UBE2M: variants seen among roughly 807,000 people sequenced by gnomAD.
UBE2M encodes the protein NEDD8-conjugating enzyme Ubc12.
Under a neutral mutation model 23.5 loss-of-function variants are expected in UBE2M, and 2 were observed. That is an observed-to-expected ratio of 0.09 (90% CI 0.03 to 0.27). UBE2M has a LOEUF of 0.27. UBE2M is among the 10% of genes least tolerant of loss of function. The probability of loss-of-function intolerance (pLI) is 1.00; values close to 1 mark genes in which losing one functional copy is unlikely to be tolerated. For synonymous variants in UBE2M, 97 were observed against 95.2 expected (o/e 1.02, Z -0.11); for missense variants, 103 against 232.9 (o/e 0.44, Z 3.63).
Position 58,556,389 on chromosome 19 carries a change from G to C in UBE2M, c.348-10C>G, listed in dbSNP as rs1292423603. On this transcript the variant is annotated splice_polypyrimidine_tract_variant and intron_variant, in intron 4 of 5. Coordinates refer to ENST00000253023, the MANE Select transcript of UBE2M (RefSeq NM_003969.4). The surrounding 1 kb of genome is among the most constrained non-coding windows in gnomAD (Gnocchi z 4.9). ...TGGCTTCCAGTCCTCTCTGTGGACA[G>C]AGAGCATCAGGGTCAGGGCTTGGTG... 1 of 1,613,580 alleles carries C rather than the reference G, an allele frequency of 6.2e-7. No individual in the cohort carries two copies. The highest frequency in any genetic ancestry group is 8.5e-7 in the Non-Finnish European group (1 of 1,179,976).
In UBE2M at chr19:58,556,094, T is replaced by C. The variant is rs1299056927; in HGVS notation, c.547A>G (p.Lys183Glu). 6.2e-7 allele frequency: 1 copy of C among 1,607,450 alleles called. No individual in the cohort carries two copies. Among genetic ancestry groups the C allele is most frequent in the Non-Finnish European group, 8.5e-7 (1 of 1,176,358 alleles). ...IGSTYFERCL[K>E] ...GGGGTGGGTATGCGCCAACCCTATT[T>C]CAGGCAGCGCTCAAAGTAGGTGGAG... The change falls in exon 6 of 6, where the codon AAA becomes GAA. Residue 183 changes from lysine to glutamate, a missense_variant. Transcript: ENST00000253023. The surrounding 1 kb of genome is among the most constrained non-coding windows in gnomAD (Gnocchi z 4.9).
Position 58,558,201 on chromosome 19 carries a change from G to T in UBE2M, c.109+72C>A. On this transcript the variant is annotated intron_variant, in intron 1 of 5. Coordinates refer to ENST00000253023, the MANE Select transcript of UBE2M (RefSeq NM_003969.4). This position sits in a 1 kb window ranked among gnomAD's most constrained non-coding sequence, Gnocchi z 4.7. ...CTCAGCAACCGCATTACCCCTTCCT[G>T]ACTCCCACATCACCCTGCCTCAGGC... The T allele has an allele frequency of 7.5e-7, 1 of 1,336,810 alleles. No individual in the cohort carries two copies. Among genetic ancestry groups the T allele is most frequent in the Non-Finnish European group, 1.0e-6 (1 of 976,554 alleles). 82.8% of individuals were successfully genotyped at this position (1,336,810 alleles called of 1,614,324 possible).
Position 58,556,505 on chromosome 19 carries a change from G to T in UBE2M, c.348-126C>A. ...CATGTGAGAGGCTGGGAGGGAGGGT[G>T]TGGAGCAGGACAGGCCAAGGAGAAA... On this transcript the variant is annotated intron_variant, in intron 4 of 5. Transcript: ENST00000253023. The surrounding 1 kb of genome is among the most constrained non-coding windows in gnomAD (Gnocchi z 4.9). 1 of 1,171,744 alleles carries T rather than the reference G, an allele frequency of 8.5e-7. No homozygotes were observed. Among genetic ancestry groups the T allele is most frequent in the Non-Finnish European group, 1.2e-6 (1 of 815,810 alleles). 72.6% of individuals were successfully genotyped at this position (1,171,744 alleles called of 1,614,324 possible).
chr19:58,558,423 G>A lies in UBE2M; in HGVS notation c.-42C>T. The A allele has an allele frequency of 9.6e-7, 1 of 1,041,660 alleles. No individual in the cohort carries two copies. The highest frequency in any genetic ancestry group is 1.2e-6 in the Non-Finnish European group (1 of 859,994). 64.5% of individuals were successfully genotyped at this position (1,041,660 alleles called of 1,614,324 possible). ...CCGCTGCCGCCGCCGCGGGGCCCGG[G>A]ACCCCGGCCACCCGGCCCCCCGCCG... On this transcript the variant is annotated 5_prime_UTR_variant, in exon 1 of 6. Coordinates refer to ENST00000253023, the MANE Select transcript of UBE2M (RefSeq NM_003969.4). This position sits in a 1 kb window ranked among gnomAD's most constrained non-coding sequence, Gnocchi z 4.7.
Position 58,558,455 on chromosome 19 carries a change from G to A in UBE2M, c.-74C>T. ...GCCACCCGGCCCCCCGCCGCCGCCC[G>A]CGTCGCCTCCGCTCCTCGGACCCGC... On this transcript the variant is annotated 5_prime_UTR_variant, in exon 1 of 6. Coordinates refer to ENST00000253023, the MANE Select transcript of UBE2M (RefSeq NM_003969.4). The surrounding 1 kb of genome is among the most constrained non-coding windows in gnomAD (Gnocchi z 4.7). The A allele has an allele frequency of 1.2e-6, 1 of 823,770 alleles. No individual in the cohort carries two copies. Among genetic ancestry groups the A allele is most frequent in the Non-Finnish European group, 1.5e-6 (1 of 683,884 alleles). The allele number at this position is 823,770 out of a possible 1,614,324, so 51.0% of individuals were successfully genotyped here.
At chr19:58,557,343 C>T (rs925654902) in intron 1 of UBE2M, among the ~76,000 whole-genome samples, 186 bp from the exon 2 acceptor site, 6 of 152,074 alleles carry the variant, frequency 3.9e-5, no homozygotes, top group African/African-American at 4.8e-5. Context: ...CCCAGCTTGG[C>T]TCTTGTGGAT....
In UBE2M at chr19:58,558,466, G is replaced by C; in HGVS notation, c.-85C>G. The stretch of plus-strand genomic sequence containing the variant: ...CCCCGCCGCCGCCCGCGTCGCCTCC[G>C]CTCCTCGGACCCGCAGCTGCGGCCT... On this transcript the variant is annotated 5_prime_UTR_variant, in exon 1 of 6. Coordinates refer to ENST00000253023, the MANE Select transcript of UBE2M (RefSeq NM_003969.4). The surrounding 1 kb of genome is among the most constrained non-coding windows in gnomAD (Gnocchi z 4.7). The C allele has an allele frequency of 5.7e-6, 4 of 702,104 alleles. No individual in the cohort carries two copies. Among genetic ancestry groups the C allele is most frequent in the Non-Finnish European group, 7.0e-6 (4 of 572,620 alleles). The allele number at this position is 702,104 out of a possible 1,614,324, so 43.5% of individuals were successfully genotyped here. A position where few individuals can be genotyped will look rare whatever the true frequency, so the allele number is the denominator to read the frequency against.
chr19:58,556,266 G>C lies in UBE2M; in HGVS notation c.412-37C>G. On this transcript the variant is annotated intron_variant, in intron 5 of 5. Coordinates refer to ENST00000253023, the MANE Select transcript of UBE2M (RefSeq NM_003969.4). This position sits in a 1 kb window ranked among gnomAD's most constrained non-coding sequence, Gnocchi z 4.9. ...ACAGGTAGGGGGGGTCAACAGGCCA[G>C]AGGGACAGAAGGCCAATCTCCCCAG... 6.2e-7 allele frequency: 1 copy of C among 1,614,062 alleles called. No homozygotes were observed. The highest frequency in any genetic ancestry group is 8.5e-7 in the Non-Finnish European group (1 of 1,179,908).
Position 58,556,650 on chromosome 19 carries a change from A to C in UBE2M, c.347+37T>G. ...AGACCATGAGGGAGGCCTGGCAGGC[A>C]GCGCTGAGGAGGGCATTAGAGGGCC... is the stretch of plus-strand genomic sequence containing the variant. On this transcript the variant is annotated intron_variant, in intron 4 of 5. Transcript: ENST00000253023. This position sits in a 1 kb window ranked among gnomAD's most constrained non-coding sequence, Gnocchi z 4.9. The C allele has an allele frequency of 1.3e-6, 2 of 1,496,542 alleles. No individual in the cohort carries two copies. Among genetic ancestry groups the C allele is most frequent in the Non-Finnish European group, 1.8e-6 (2 of 1,116,668 alleles). 92.7% of individuals were successfully genotyped at this position (1,496,542 alleles called of 1,614,324 possible).
chr19:58,557,605 C>T (rs187337289), intron 1 of UBE2M, among the ~76,000 whole-genome samples: 1 of 151,874 alleles, frequency 6.6e-6, no homozygotes, highest in African/African-American at 2.4e-5. Flanking sequence ...TTCTCTGTCT[C>T]TCAGACCCAG....
chr19:58,555,823 G>T lies in UBE2M; in HGVS notation c.*266C>A. ...CCCACCCACTCCACAGCCCAGAGTGGGGGCTGAACAAGCACCCAGCAGGGG... is the reference window on the plus strand; with the variant it reads ...CCCACCCACTCCACAGCCCAGAGTGTGGGCTGAACAAGCACCCAGCAGGGG... On this transcript the variant is annotated 3_prime_UTR_variant, in exon 6 of 6. Transcript: ENST00000253023. The T allele has an allele frequency of 1.9e-6, 1 of 518,852 alleles. No individual in the cohort carries two copies. Among genetic ancestry groups the T allele is most frequent in the Non-Finnish European group, 3.5e-6 (1 of 287,170 alleles). 32.1% of individuals were successfully genotyped at this position (518,852 alleles called of 1,614,324 possible).
At position 58,556,843 on chromosome 19, in the gene UBE2M, C is replaced by A. The variant is rs763032640; in HGVS notation, c.243+49G>T. ...GGGTAGGTGCCTGGAAGGGCCTCAG[C>A]TGCTGCCTCCTCTGTCCAGGGAGCC... On this transcript the variant is annotated intron_variant, in intron 3 of 5. Transcript: ENST00000253023. This position sits in a 1 kb window ranked among gnomAD's most constrained non-coding sequence, Gnocchi z 4.9. The A allele has an allele frequency of 3.1e-6, 5 of 1,613,708 alleles. No homozygotes were observed. Among genetic ancestry groups the A allele is most frequent in the Non-Finnish European group, 4.2e-6 (5 of 1,179,770 alleles).
intron 1 of UBE2M, 63 bp from the exon 2 acceptor site, chr19:58,557,220 G>C: frequency 7.0e-5 from 98 of 1,390,318 alleles, no homozygotes; most frequent in Non-Finnish European, 8.6e-5. Flanking sequence ...GAGAGAGGGA[G>C]CCAGCAGGAC....
chr19:58,558,266 C>G lies in UBE2M; in HGVS notation c.109+7G>C, dbSNP rs1211796895. 6.2e-7 allele frequency: 1 copy of G among 1,600,482 alleles called. No homozygotes were observed. ...TCCGGCTCCAACCCCATCCCCTGACCCCCTACCCTTCTGGATCCGCAGCTG... is the reference window on the plus strand; with the variant it reads ...TCCGGCTCCAACCCCATCCCCTGACGCCCTACCCTTCTGGATCCGCAGCTG... On this transcript the variant is annotated splice_region_variant and intron_variant, in intron 1 of 5. Coordinates refer to ENST00000253023, the MANE Select transcript of UBE2M (RefSeq NM_003969.4). The surrounding 1 kb of genome is among the most constrained non-coding windows in gnomAD (Gnocchi z 4.7).
At position 58,558,163 on chromosome 19, in the gene UBE2M, T is replaced by C. The variant is rs2122658915; in HGVS notation, c.109+110A>G. The stretch of plus-strand genomic sequence containing the variant: ...CCGACCCCCCCCACGCTCGGGGCCC[T>C]TCACCTCTGACCCTCAGCAACCGCA... On this transcript the variant is annotated intron_variant, in intron 1 of 5. Transcript: ENST00000253023. The surrounding 1 kb of genome is among the most constrained non-coding windows in gnomAD (Gnocchi z 4.7). 1 of 780,180 alleles carries C rather than the reference T, an allele frequency of 1.3e-6. No individual in the cohort carries two copies. The highest frequency in any genetic ancestry group is 1.9e-6 in the Non-Finnish European group (1 of 536,744). 48.3% of individuals were successfully genotyped at this position (780,180 alleles called of 1,614,324 possible).
Position 58,556,420 on chromosome 19 carries a change from G to C in UBE2M, c.348-41C>G. On this transcript the variant is annotated intron_variant, in intron 4 of 5. Coordinates refer to ENST00000253023, the MANE Select transcript of UBE2M (RefSeq NM_003969.4). This position sits in a 1 kb window ranked among gnomAD's most constrained non-coding sequence, Gnocchi z 4.9. ...ATCAGGGTCAGGGCTTGGTGAGTGG[G>C]AGACTGCCACAGGCCCCTCTGGTGT... The C allele has an allele frequency of 6.2e-7, 1 of 1,604,104 alleles. No homozygotes were observed. The highest frequency in any genetic ancestry group is 8.5e-7 in the Non-Finnish European group (1 of 1,172,610).
rs753944172 is a variant in UBE2M, at chr19:58,556,089, C to T, written c.552G>A (p.Ter184=). Residue 184 remains the stop codon, a stop_retained_variant, in exon 6 of 6, where the codon TAG becomes TAA. Transcript: ENST00000253023. The surrounding 1 kb of genome is among the most constrained non-coding windows in gnomAD (Gnocchi z 4.9). ...TGGCGGGGGTGGGTATGCGCCAACC[C>T]TATTTCAGGCAGCGCTCAAAGTAGG... The part of the protein sequence containing the change: ...GSTYFERCLK[*] 5.6e-6 allele frequency: 9 copies of T among 1,606,462 alleles called. No individual in the cohort carries two copies. The Admixed American group carries it at 8.3e-5, about 15-fold the overall frequency.
chr19:58,556,283 T>C lies in UBE2M; in HGVS notation c.411+33A>G. ...ACAGGCCAGAGGGACAGAAGGCCAATCTCCCCAGACCCAACCACCTATTCC... is the reference window on the plus strand; with the variant it reads ...ACAGGCCAGAGGGACAGAAGGCCAACCTCCCCAGACCCAACCACCTATTCC... On this transcript the variant is annotated intron_variant, in intron 5 of 5. Transcript: ENST00000253023. The surrounding 1 kb of genome is among the most constrained non-coding windows in gnomAD (Gnocchi z 4.9). 1.9e-6 allele frequency: 3 copies of C among 1,613,860 alleles called. No individual in the cohort carries two copies. Among genetic ancestry groups the C allele is most frequent in the Non-Finnish European group, 2.5e-6 (3 of 1,179,882 alleles).
Position 58,557,108 on chromosome 19 carries a change from A to C in UBE2M, c.159T>G (p.Asp53Glu). 6.2e-7 allele frequency: 1 copy of C among 1,614,026 alleles called. No individual in the cohort carries two copies. Among genetic ancestry groups the C allele is most frequent in the Non-Finnish European group, 8.5e-7 (1 of 1,179,982 alleles). The part of the protein sequence containing the change: ...LPKTCDISFS[D>E]PDDLLNFKLV... ...GCTTGAAGTTGAGGAGGTCGTCTGGATCTGAGAAGCTGATATCACACGTCT... is the reference window on the plus strand; with the variant it reads ...GCTTGAAGTTGAGGAGGTCGTCTGGCTCTGAGAAGCTGATATCACACGTCT... Residue 53 changes from aspartate to glutamate, a missense_variant, in exon 2 of 6, where the codon GAT (aspartate) becomes GAG (glutamate). Coordinates refer to ENST00000253023, the MANE Select transcript of UBE2M (RefSeq NM_003969.4).
Sources: allele counts gnomAD v4.1 joint callset (sites outside exome capture counted in the v4.1 genomes callset), GRCh38; gene constraint gnomAD v4.1.1; non-coding constraint Gnocchi (gnomAD v3.1); transcripts MANE v1.5; gene names NCBI Gene and HGNC (gene_info 2026-07-23, HGNC 2026-07-21).